RSPH6A: variants seen among roughly 807,000 people sequenced by gnomAD.
RSPH6A encodes the protein radial spoke head protein 6 homolog A.
In RSPH6A, 49 loss-of-function variants were observed where a neutral mutation model predicts 66.1. The observed-to-expected ratio is 0.74, with a 90% CI of 0.59 to 0.94. The LOEUF (loss-of-function observed/expected upper bound fraction) is 0.94, where lower values mean the gene tolerates loss of function less well. RSPH6A is among the 40% of genes least tolerant of loss of function. The pLI is 0.00. For synonymous variants in RSPH6A, 419 were observed against 402.4 expected (o/e 1.04, Z -0.49); for missense variants, 977 against 948.3 (o/e 1.03, Z -0.40).
chr19:45,804,567 T>C lies in RSPH6A; in HGVS notation c.1338A>G (p.Pro446=), dbSNP rs752102548. 6.2e-7 allele frequency: 1 copy of C among 1,614,196 alleles called. No homozygotes were observed. The part of the protein sequence containing the change: ...LPWTRLPHVT[P]AQIVNARKIK... Reference sequence around the variant, plus strand: ...TCTTTCGGGCGTTCACGATCTGGGCTGGAGTGACGTGGGGCAGCCGCGTCC... The same window carrying C: ...TCTTTCGGGCGTTCACGATCTGGGCCGGAGTGACGTGGGGCAGCCGCGTCC... Residue 446 remains proline, a synonymous_variant, in exon 3 of 6, where the codon CCA becomes CCG. Coordinates refer to ENST00000221538, the MANE Select transcript of RSPH6A (RefSeq NM_030785.4). The surrounding 1 kb of genome is among the most constrained non-coding windows in gnomAD (Gnocchi z 5.8).
chr19:45,811,938 C>G (rs187911799), intron 1 of RSPH6A, among the ~76,000 whole-genome samples: 2 of 150,542 alleles, frequency 1.3e-5, no homozygotes, highest in Non-Finnish European at 3.0e-5. Flanking sequence ...ACACCACCAT[C>G]CCCGGCTAAT....
chr19:45,798,375 G>GA (rs1192978338), intron 5 of RSPH6A, among the ~76,000 whole-genome samples: 2 of 151,398 alleles, frequency 1.3e-5, no homozygotes, highest in Non-Finnish European at 2.9e-5. Flanking sequence ...AAAGAAAAAA[G>GA]AAAAAATTTA....
At chr19:45,811,636 A>G (rs7253302) in intron 1 of RSPH6A, among the ~76,000 whole-genome samples, 1 of 149,982 alleles carries the variant, frequency 6.7e-6, no homozygotes, top group Non-Finnish European at 1.5e-5. Flanking sequence ...GGGTTTCGCC[A>G]TGGTGGCCAG....
Position 45,804,828 on chromosome 19 carries a change from C to G in RSPH6A, c.1077G>C (p.Glu359Asp). Residue 359 changes from glutamate (E) to aspartate (D), a missense_variant, in exon 3 of 6, where the codon GAG (glutamate) becomes GAC (aspartate). Physicochemically the swap from Glu to Asp is conservative, Grantham distance 45. Transcript: ENST00000221538. The surrounding 1 kb of genome is among the most constrained non-coding windows in gnomAD (Gnocchi z 5.8). Reference protein sequence around the residue: ...LGIKRSYLVAEVEFREGEEEA... With the variant: ...LGIKRSYLVADVEFREGEEEA... ...CCTCCTCGCCCTCCCGGAATTCCAC[C>G]TCGGCCACCAGGTAGCTGCGTTTGA... is the stretch of plus-strand genomic sequence containing the variant. The G allele has an allele frequency of 6.2e-7, 1 of 1,614,216 alleles. No individual in the cohort carries two copies. Among genetic ancestry groups the G allele is most frequent in the Non-Finnish European group, 8.5e-7 (1 of 1,180,034 alleles).
intron 4 of RSPH6A, among the ~76,000 whole-genome samples, chr19:45,801,326 G>T (rs1970471557): frequency 1.3e-5 from 2 of 152,210 alleles, no homozygotes; most frequent in Admixed American, 1.3e-4. Flanking sequence ...TTTGGACCAG[G>T]GTGCAGAGGG....
intron 5 of RSPH6A, among the ~76,000 whole-genome samples, chr19:45,798,558 G>T (rs947690515): frequency 2.8e-4 from 39 of 138,708 alleles, no homozygotes; most frequent in Non-Finnish European, 5.6e-4. Flanking sequence ...AAAAAAAAAG[G>T]CCAGGCGCGG....
intron 5 of RSPH6A, 87 bp downstream of exon 5, chr19:45,800,359 G>T: frequency 2.5e-6 from 3 of 1,188,426 alleles, no homozygotes; most frequent in Non-Finnish European, 1.2e-6. Context: ...CCCCATCTCT[G>T]CCCACCCTGG....
At chr19:45,803,708 C>A (rs200039986) in intron 3 of RSPH6A, among the ~76,000 whole-genome samples, 12 of 125,834 alleles carry the variant, frequency 9.5e-5, no homozygotes, top group African/African-American at 1.6e-4. Context: ...AAAAAAAAAA[C>A]CAGCCAGGGC....
chr19:45,809,819 G>A (rs1749104082), intron 2 of RSPH6A, among the ~76,000 whole-genome samples: 5 of 152,220 alleles, frequency 3.3e-5, no homozygotes, highest in Admixed American at 2.0e-4. Flanking sequence ...AGGAAGGAAT[G>A]GTTTATTGCA....
intron 2 of RSPH6A, among the ~76,000 whole-genome samples, chr19:45,808,090 T>A (rs28485114): frequency 0.065 from 9,934 of 152,312 alleles, 426 homozygotes; most frequent in African/African-American, 0.11. Flanking sequence ...AAATAAGGTG[T>A]TAGTTTTTGG....
At position 45,810,844 on chromosome 19, in the gene RSPH6A, C is replaced by T. The variant is rs752100448; in HGVS notation, c.651-4G>A. On this transcript the variant is annotated splice_polypyrimidine_tract_variant and splice_region_variant and intron_variant, in intron 1 of 5. Coordinates refer to ENST00000221538, the MANE Select transcript of RSPH6A (RefSeq NM_030785.4). ...CAGATTCACCAGGTGCTCGTACCTG[C>T]CTCCCGCAGGAGGAGTGGGAGGAGA... is the stretch of plus-strand genomic sequence containing the variant. The T allele has an allele frequency of 4.1e-5, 65 of 1,602,374 alleles. No individual in the cohort carries two copies. Among genetic ancestry groups the T allele is most frequent in the Non-Finnish European group, 5.3e-5 (62 of 1,171,240 alleles).
chr19:45,809,252 C>T (rs181957206), intron 2 of RSPH6A, among the ~76,000 whole-genome samples: 2 of 150,116 alleles, frequency 1.3e-5, no homozygotes, highest in Admixed American at 6.7e-5. Flanking sequence ...CCACCCGCCT[C>T]GGCCTCCCAA....
Position 45,810,751 on chromosome 19 carries a change from G to A in RSPH6A, c.740C>T (p.Thr247Met), listed in dbSNP as rs749446018. The change falls in exon 2 of 6, where the codon ACG becomes ATG. Residue 247 changes from threonine (T) to methionine (M), a missense_variant. By Grantham distance (81) the Thr-to-Met change is moderately conservative. Coordinates refer to ENST00000221538, the MANE Select transcript of RSPH6A (RefSeq NM_030785.4). ...LSVLESLNRTTQWEWFHPKLD... is the reference protein window; with the variant it reads ...LSVLESLNRTMQWEWFHPKLD... ...CTTGGGGTGGAACCACTCCCACTGCGTGGTGCGGTTCAGAGACTCCAGGAC... is the reference window on the plus strand; with the variant it reads ...CTTGGGGTGGAACCACTCCCACTGCATGGTGCGGTTCAGAGACTCCAGGAC... The A allele has an allele frequency of 1.1e-5, 17 of 1,614,028 alleles. No homozygotes were observed. Among genetic ancestry groups the A allele is most frequent in the South Asian group, 3.3e-5 (3 of 91,090 alleles).
Position 45,804,800 on chromosome 19 carries a change from C to A in RSPH6A, c.1105G>T (p.Ala369Ser), listed in dbSNP as rs531714669. The change falls in exon 3 of 6, where the codon GCA becomes TCA. Residue 369 changes from alanine (A) to serine (S), a missense_variant. Ala to Ser is a moderately conservative substitution (Grantham distance 99). Transcript: ENST00000221538. This position sits in a 1 kb window ranked among gnomAD's most constrained non-coding sequence, Gnocchi z 5.8. ...ATCTCCTCCACCTCCTCCTCCTCTG[C>A]CTCCTCCTCGCCCTCCCGGAATTCC... ...EVEFREGEEE[A>S]EEEEVEEMTE... The A allele has an allele frequency of 5.6e-6, 9 of 1,614,020 alleles. No homozygotes were observed. In the East Asian group the frequency reaches 2.0e-4, roughly 36 times the overall value.
chr19:45,811,154 T>C (rs1970622662), intron 1 of RSPH6A, among the ~76,000 whole-genome samples: 1 of 151,210 alleles, frequency 6.6e-6, no homozygotes, highest in Non-Finnish European at 1.5e-5. Context: ...CCACCACGCC[T>C]GGTTACTTTT....
intron 2 of RSPH6A, among the ~76,000 whole-genome samples, chr19:45,808,047 T>C (rs1418359495): frequency 6.6e-6 from 1 of 152,246 alleles, no homozygotes; most frequent in Non-Finnish European, 1.5e-5. Context: ...ATCTATATCC[T>C]AACTTAAAGG....
chr19:45,807,237 A>G (rs1970557076), intron 2 of RSPH6A, among the ~76,000 whole-genome samples: 1 of 151,330 alleles, frequency 6.6e-6, no homozygotes, highest in African/African-American at 2.4e-5. Flanking sequence ...TATTTTTGAT[A>G]CAGAGTCTTG....
In RSPH6A at chr19:45,810,783, G is replaced by A. The variant is rs755390360; in HGVS notation, c.708C>T (p.Pro236=). The A allele has an allele frequency of 7.4e-6, 12 of 1,613,790 alleles. No individual in the cohort carries two copies. Among genetic ancestry groups the A allele is most frequent in the South Asian group, 5.5e-5 (5 of 91,068 alleles). Residue 236 remains proline, a synonymous_variant, in exon 2 of 6, where the codon CCC becomes CCT. Coordinates refer to ENST00000221538, the MANE Select transcript of RSPH6A (RefSeq NM_030785.4). ...GGTTCAGAGACTCCAGGACAGACAA[G>A]GGGTCCTCAGGCCGCTGGTTCAGGA... ...TKILNQRPED[P]LSVLESLNRT...
chr19:45,800,370 C>T (rs28637549), intron 5 of RSPH6A, 76 bp downstream of exon 5: 68,086 of 1,337,634 alleles, frequency 0.051, 2,248 homozygotes, highest in African/African-American at 0.12. Flanking sequence ...CCCACCCTGG[C>T]GAGTTGCCCA....
Sources: allele counts gnomAD v4.1 joint callset (sites outside exome capture counted in the v4.1 genomes callset), GRCh38; gene constraint gnomAD v4.1.1; non-coding constraint Gnocchi (gnomAD v3.1); transcripts MANE v1.5; gene names NCBI Gene and HGNC (gene_info 2026-07-23, HGNC 2026-07-21).